The following PPP1R12B variants were observed in gnomAD, a reference collection of about 807,000 sequenced individuals.
The protein encoded by PPP1R12B is protein phosphatase 1 regulatory subunit 12B, also known as myosin phosphatase target subunit 2.
PPP1R12B carries 76 observed loss-of-function variants against 126.1 expected under a neutral mutation model. The observed-to-expected ratio is 0.60, with a 90% CI of 0.50 to 0.73. The LOEUF is 0.73. Ranked by LOEUF, PPP1R12B falls within the 30% of genes least tolerant of loss-of-function variation. The pLI is 0.00. For synonymous variants in PPP1R12B, 356 were observed against 434.7 expected (o/e 0.82, Z 2.25); for missense variants, 1,052 against 1,205.1 (o/e 0.87, Z 1.88).
chr1:202,489,951 G>A (rs1678649428), intron 14 of PPP1R12B, among the ~76,000 whole-genome samples: 1 of 152,192 alleles, frequency 6.6e-6, no homozygotes, highest in Admixed American at 6.5e-5. Context: ...TCACCCTGCA[G>A]ATAATTGATG....
At chr1:202,400,789 T>A (rs2148559608) in intron 1 of PPP1R12B, among the ~76,000 whole-genome samples, 1 of 152,284 alleles carries the variant, frequency 6.6e-6, no homozygotes, top group East Asian at 1.9e-4. Flanking sequence ...ATAGATGGGG[T>A]AACTGAGGCA....
intron 8 of PPP1R12B, among the ~76,000 whole-genome samples, chr1:202,432,490 C>T (rs547604225): frequency 6.0e-4 from 92 of 152,238 alleles, no homozygotes; most frequent in African/African-American, 2.0e-3. Flanking sequence ...TGGTCTCAAA[C>T]TCCCGACCTC....
chr1:202,556,645 G>A (rs953970904), intron 18 of PPP1R12B, among the ~76,000 whole-genome samples: 6 of 152,280 alleles, frequency 3.9e-5, no homozygotes, highest in African/African-American at 1.4e-4. Flanking sequence ...GGTTACCACT[G>A]TTATCTCCAT....
chr1:202,410,242 G>A (rs1667214279), intron 1 of PPP1R12B: 1 of 152,154 alleles, frequency 6.6e-6, no homozygotes, highest in African/African-American at 2.4e-5. Flanking sequence ...CCACTCTATG[G>A]ACTGCCTTTT....
Position 202,348,784 on chromosome 1 carries a change from G to C in PPP1R12B, c.-68G>C. 6.6e-7 allele frequency: 1 copy of C among 1,514,778 alleles called. No homozygotes were observed. The highest frequency in any genetic ancestry group is 8.8e-7 in the Non-Finnish European group (1 of 1,135,570). The allele number at this position is 1,514,778 out of a possible 1,614,324, so 93.8% of individuals were successfully genotyped here. A position where few individuals can be genotyped will look rare whatever the true frequency, so the allele number is the denominator to read the frequency against. On this transcript the variant is annotated 5_prime_UTR_variant, in exon 1 of 24. Coordinates refer to ENST00000608999, the MANE Select transcript of PPP1R12B (RefSeq NM_002481.4). Reference sequence around the variant, plus strand: ...CTGAAGCGCTCTGAGAGAGGCGGCAGCGGCAACTCGAGCCCCAACAGTAAT... The same window carrying C: ...CTGAAGCGCTCTGAGAGAGGCGGCACCGGCAACTCGAGCCCCAACAGTAAT...
At chr1:202,424,105 T>C (rs1472084043) in intron 3 of PPP1R12B, among the ~76,000 whole-genome samples, 1 of 152,206 alleles carries the variant, frequency 6.6e-6, no homozygotes, top group African/African-American at 2.4e-5. Context: ...TTTTAAAAAA[T>C]AGTTTAGATT....
Position 202,558,912 on chromosome 1 carries a change from A to G in PPP1R12B, c.2507+19A>G, listed in dbSNP as rs994288323. The G allele has an allele frequency of 2.5e-6, 4 of 1,583,124 alleles. No homozygotes were observed. Among genetic ancestry groups the G allele is most frequent in the South Asian group, 2.3e-5 (2 of 86,566 alleles). Reference sequence around the variant, plus strand: ...TTTCTAGGTAAGAACTCTCCCTGTTATATATGCATGCTTAATACTTGTGAG... The same window carrying G: ...TTTCTAGGTAAGAACTCTCCCTGTTGTATATGCATGCTTAATACTTGTGAG... On this transcript the variant is annotated intron_variant, in intron 19 of 23. Coordinates refer to ENST00000608999, the MANE Select transcript of PPP1R12B (RefSeq NM_002481.4).
At chr1:202,553,200 C>T (rs369687548) in intron 18 of PPP1R12B, among the ~76,000 whole-genome samples, 4 of 152,268 alleles carry the variant, frequency 2.6e-5, no homozygotes, top group East Asian at 1.9e-4. Context: ...TTCTTTTTAC[C>T]TCTACTCTAC....
At chr1:202,424,351 T>A (rs1428588904) in intron 3 of PPP1R12B, among the ~76,000 whole-genome samples, 1 of 149,174 alleles carries the variant, frequency 6.7e-6, no homozygotes, top group Non-Finnish European at 1.5e-5. Context: ...TGAGACAGAG[T>A]CTCACTGTGT....
chr1:202,440,875 T>A, intron 11 of PPP1R12B, 87 bp downstream of exon 11: 1 of 1,141,118 alleles, frequency 8.8e-7, no homozygotes, highest in Non-Finnish European at 1.3e-6. Flanking sequence ...CTTCTGCATT[T>A]TTCCCTCAGG....
At chr1:202,564,752 C>T (rs925532) in intron 21 of PPP1R12B, among the ~76,000 whole-genome samples, 62,380 of 152,008 alleles carry the variant, frequency 0.41, 14,755 homozygotes, top group East Asian at 0.7. Flanking sequence ...ATTCAGTGAA[C>T]AATTCCTGAT....
chr1:202,544,096 A>G (rs1205964393), intron 18 of PPP1R12B, among the ~76,000 whole-genome samples: 1 of 152,216 alleles, frequency 6.6e-6, no homozygotes, highest in East Asian at 1.9e-4. Context: ...TATTGATGAG[A>G]ATTTGAAAGC....
chr1:202,459,793 G>T (rs1674088458), intron 13 of PPP1R12B, among the ~76,000 whole-genome samples: 1 of 152,150 alleles, frequency 6.6e-6, no homozygotes, highest in African/African-American at 2.4e-5. Context: ...TTTTGACTCA[G>T]GGGCCAGTCC....
At chr1:202,567,001 T>G (rs1688108947) in intron 21 of PPP1R12B, among the ~76,000 whole-genome samples, 2 of 152,252 alleles carry the variant, frequency 1.3e-5, no homozygotes, top group Admixed American at 1.3e-4. Flanking sequence ...TATTCCCCTT[T>G]TAAGGAAGGG....
intron 2 of PPP1R12B, among the ~76,000 whole-genome samples, chr1:202,421,500 C>T (rs567554626): frequency 5.3e-5 from 8 of 151,760 alleles, no homozygotes; most frequent in African/African-American, 1.9e-4. Flanking sequence ...ATTAGCTGGG[C>T]GTGGTGTCAC....
At chr1:202,458,867 T>C (rs942846647) in intron 13 of PPP1R12B, among the ~76,000 whole-genome samples, 4 of 152,186 alleles carry the variant, frequency 2.6e-5, no homozygotes, top group Admixed American at 1.3e-4. Flanking sequence ...TTAGTGAGCA[T>C]TGGGATAAAT....
chr1:202,549,773 A>G (rs1318584797), intron 18 of PPP1R12B, among the ~76,000 whole-genome samples: 1 of 152,176 alleles, frequency 6.6e-6, no homozygotes, highest in African/African-American at 2.4e-5. Context: ...CTCCTCAGAG[A>G]AGAGCTCTTT....
intron 1 of PPP1R12B, 130 bp downstream of exon 1, chr1:202,349,272 A>T: frequency 9.0e-7 from 1 of 1,117,144 alleles, no homozygotes; most frequent in Non-Finnish European, 1.3e-6. Flanking sequence ...TTTTGGGCTA[A>T]TCGGTTTCAT....
chr1:202,451,619 C>A (rs1227131527), intron 13 of PPP1R12B, among the ~76,000 whole-genome samples: 7 of 152,096 alleles, frequency 4.6e-5, no homozygotes, highest in Admixed American at 1.3e-4. Context: ...TTTTCCCCAC[C>A]TTTCCCCCTT....
Sources: allele counts gnomAD v4.1 joint callset (sites outside exome capture counted in the v4.1 genomes callset), GRCh38; gene constraint gnomAD v4.1.1; transcripts MANE v1.5; gene names NCBI Gene and HGNC (gene_info 2026-07-23, HGNC 2026-07-21).